Variants in DCAF10 observed in about 807,000 individuals in gnomAD.
DCAF10 encodes DDB1- and CUL4-associated factor 10.
Under a neutral mutation model 51.9 loss-of-function variants are expected in DCAF10, and 19 were observed. That is an observed-to-expected ratio of 0.37 (90% CI 0.26 to 0.54). The LOEUF (loss-of-function observed/expected upper bound fraction) is 0.54, where lower values mean the gene tolerates loss of function less well. Ranked by LOEUF, DCAF10 falls within the 20% of genes least tolerant of loss-of-function variation. The probability of loss-of-function intolerance (pLI) is 0.87; values close to 1 mark genes in which losing one functional copy is unlikely to be tolerated. For synonymous variants in DCAF10, 291 were observed against 297.1 expected (o/e 0.98, Z 0.21); for missense variants, 510 against 730.6 (o/e 0.70, Z 3.48).
At chr9:37,841,639 A>C (rs578161581) in intron 2 of DCAF10, among the ~76,000 whole-genome samples, 1 of 152,190 alleles carries the variant, frequency 6.6e-6, no homozygotes, top group African/African-American at 2.4e-5. Context: ...AAATAGAAAA[A>C]GATGTTCCTT....
At chr9:37,853,149 T>C (rs1830736533) in intron 3 of DCAF10, among the ~76,000 whole-genome samples, 1 of 120,218 alleles carries the variant, frequency 8.3e-6, no homozygotes, top group Non-Finnish European at 1.6e-5. Context: ...TGAAACTCCG[T>C]CTCAAAAAAA....
chr9:37,814,425 G>T (rs1016896327), intron 1 of DCAF10, among the ~76,000 whole-genome samples: 5 of 149,354 alleles, frequency 3.3e-5, no homozygotes, highest in African/African-American at 1.2e-4. Context: ...TGGGGTTACA[G>T]GCGTGAGCCA....
At chr9:37,832,458 C>CAA (rs34040185) in intron 2 of DCAF10, among the ~76,000 whole-genome samples, 26 of 127,400 alleles carry the variant, frequency 2.0e-4, no homozygotes, top group African/African-American at 6.8e-4. Flanking sequence ...GACTCCGTCT[C>CAA]AAAAAAAAAA....
intron 3 of DCAF10, among the ~76,000 whole-genome samples, chr9:37,853,356 CGAGCTGA>C (rs149579169): frequency 0.02 from 2,822 of 143,220 alleles, 96 homozygotes; most frequent in African/African-American, 0.07. Flanking sequence ...GAGGTTGCAG[CGAGCTGA>C]GACAGTACCA....
At chr9:37,835,612 C>T (rs1193473801) in intron 2 of DCAF10, among the ~76,000 whole-genome samples, 3 of 151,648 alleles carry the variant, frequency 2.0e-5, no homozygotes, top group Non-Finnish European at 4.4e-5. Flanking sequence ...GTGGCGGGCA[C>T]CTGTAATCCC....
intron 5 of DCAF10, among the ~76,000 whole-genome samples, chr9:37,859,321 T>C (rs555223901): frequency 6.6e-6 from 1 of 152,218 alleles, no homozygotes; most frequent in African/African-American, 2.4e-5. Flanking sequence ...AATTTCTAAG[T>C]TGCTTCCTTA....
rs1830684716 is a variant in DCAF10 at position 37,852,508 on chromosome 9, A to G, written c.852-2272A>G. 2.6e-5 allele frequency among the ~76,000 whole-genome samples: 4 copies of G among 152,280 alleles called. No individual in the cohort carries two copies. The South Asian group carries it at 8.3e-4, about 32-fold the overall frequency. On this transcript the variant is annotated intron_variant, in intron 3 of 6. Transcript: ENST00000377724. ...AGCTACTCGGAAGGCTGAAGTGGGA[A>G]GATTCCTTGAGCCTGGGAATTTGAG...
intron 3 of DCAF10, among the ~76,000 whole-genome samples, chr9:37,845,465 T>C (rs1324126933): frequency 2.6e-5 from 4 of 152,154 alleles, no homozygotes; most frequent in Admixed American, 1.3e-4. Flanking sequence ...TTTGATGAAA[T>C]AGCCAGTTTA....
intron 2 of DCAF10, among the ~76,000 whole-genome samples, chr9:37,838,015 CCT>C (rs1375560302): frequency 6.6e-6 from 1 of 151,174 alleles, no homozygotes; most frequent in African/African-American, 2.4e-5. Flanking sequence ...AGAGCAAGAC[CCT>C]GTCTCAAGAA....
chr9:37,850,996 C>T (rs1274757105), intron 3 of DCAF10, among the ~76,000 whole-genome samples: 1 of 151,110 alleles, frequency 6.6e-6, no homozygotes, highest in African/African-American at 2.4e-5. Context: ...CTAATTCCAG[C>T]ACTTTGGGAG....
chr9:37,800,904 G>T lies in DCAF10; in HGVS notation c.38G>T (p.Gly13Val). 6.7e-7 allele frequency: 1 copy of T among 1,496,896 alleles called. No homozygotes were observed. The highest frequency in any genetic ancestry group is 1.3e-5 in the South Asian group (1 of 77,826). The allele number at this position is 1,496,896 out of a possible 1,614,324, so 92.7% of individuals were successfully genotyped here. ...PFGPHSPGGD[G>V]SAGAGAEEPT... is the part of the protein sequence containing the mutation. Reference sequence around the variant, plus strand: ...GGGCCCCATAGCCCTGGAGGGGACGGATCGGCCGGAGCCGGGGCTGAGGAG... The same window carrying T: ...GGGCCCCATAGCCCTGGAGGGGACGTATCGGCCGGAGCCGGGGCTGAGGAG... The change falls in exon 1 of 7, where the codon GGA becomes GTA. Residue 13 changes from glycine (G) to valine (V), a missense_variant. Transcript: ENST00000377724.
intron 2 of DCAF10, among the ~76,000 whole-genome samples, chr9:37,834,460 C>A (rs1830093620): frequency 6.6e-6 from 1 of 151,876 alleles, no homozygotes; most frequent in Admixed American, 6.6e-5. Flanking sequence ...TTTTAAATGA[C>A]CTTATTAAGA....
rs188485802 is a variant in DCAF10, at chr9:37,853,191, G to A, written c.852-1589G>A. ...AAAGATTTTCAGAACAATAAAAAGC[G>A]AGAGCATTTACCTCAACAAAGTCTA... On this transcript the variant is annotated intron_variant, in intron 3 of 6. Coordinates refer to ENST00000377724, the MANE Select transcript of DCAF10 (RefSeq NM_024345.5). Among the ~76,000 whole-genome samples, 298 of 144,518 alleles carry A rather than the reference G, an allele frequency of 2.1e-3. 2 individuals carry two copies. The highest frequency in any genetic ancestry group is 7.4e-3 in the African/African-American group (281 of 37,916). 94.8% of individuals were successfully genotyped at this position (144,518 alleles called of 152,430 possible).
At chr9:37,812,053 G>A (rs935367244) in intron 1 of DCAF10, among the ~76,000 whole-genome samples, 5 of 151,972 alleles carry the variant, frequency 3.3e-5, no homozygotes, top group East Asian at 1.9e-4. Flanking sequence ...GGTGGCATGC[G>A]CCTGTGGTCC....
intron 2 of DCAF10, among the ~76,000 whole-genome samples, chr9:37,841,445 A>G (rs1393859977): frequency 6.6e-6 from 1 of 152,222 alleles, no homozygotes; most frequent in Non-Finnish European, 1.5e-5. Context: ...ATTCTCACTA[A>G]GGATTGAGAA....
chr9:37,859,694 TC>T (rs1830957158), intron 5 of DCAF10, among the ~76,000 whole-genome samples: 1 of 152,050 alleles, frequency 6.6e-6, no homozygotes, highest in African/African-American at 2.4e-5. Context: ...CTTTCTAGAG[TC>T]CTTTCATGTC....
intron 1 of DCAF10, among the ~76,000 whole-genome samples, chr9:37,809,107 AAGATAACT>A (rs1422201835): frequency 6.6e-6 from 1 of 151,438 alleles, no homozygotes; most frequent in Non-Finnish European, 1.5e-5. Flanking sequence ...AAAAAAAAAA[AAGATAACT>A]AGAAAAGTCT....
At chr9:37,836,925 C>T (rs1042231790) in intron 2 of DCAF10, among the ~76,000 whole-genome samples, 6 of 152,134 alleles carry the variant, frequency 3.9e-5, no homozygotes, top group Admixed American at 3.9e-4. Context: ...ATTTTGAAGA[C>T]TGTGAATATA....
intron 2 of DCAF10, among the ~76,000 whole-genome samples, chr9:37,841,521 A>C (rs1334343082): frequency 6.6e-6 from 1 of 152,208 alleles, no homozygotes; most frequent in Admixed American, 6.5e-5. Flanking sequence ...AATTTTCTTG[A>C]TTGGTCCTAA....
Sources: gnomAD v4.1 joint callset for allele counts (sites outside exome capture counted in the v4.1 genomes callset) on GRCh38, gnomAD v4.1.1 for gene constraint, MANE v1.5 for transcripts, NCBI Gene and HGNC (gene_info 2026-07-23, HGNC 2026-07-21) for gene names.